KCNAB1: variants seen among roughly 807,000 people sequenced by gnomAD.
The protein encoded by KCNAB1 is voltage-gated potassium channel subunit beta-1.
A neutral mutation model predicts 64.6 loss-of-function variants in KCNAB1; 35 were observed. That is an observed-to-expected ratio of 0.54 (90% confidence interval 0.41 to 0.72). KCNAB1 has a LOEUF of 0.72. Among genes scored for constraint, KCNAB1 ranks in the 30% least tolerant of loss-of-function variants. The pLI is 0.00. For missense variants in KCNAB1, 401 were observed against 512.9 expected (o/e 0.78, Z 2.11); for synonymous variants, 177 against 183.8 (o/e 0.96, Z 0.30).
intron 1 of KCNAB1, among the ~76,000 whole-genome samples, chr3:156,174,188 G>T (rs1560120028): frequency 6.6e-6 from 1 of 152,170 alleles, no homozygotes; most frequent in Non-Finnish European, 1.5e-5. Flanking sequence ...TGGGGACAAA[G>T]ATATTGCTCA....
intron 1 of KCNAB1, among the ~76,000 whole-genome samples, chr3:156,167,867 T>G (rs1711700032): frequency 6.6e-6 from 1 of 152,176 alleles, no homozygotes; most frequent in South Asian, 2.1e-4. Flanking sequence ...ATCTATTAAA[T>G]GAGAGGGGTT....
intron 4 of KCNAB1, 76 bp downstream of exon 4, chr3:156,457,608 T>C: frequency 1.5e-6 from 2 of 1,309,602 alleles, no homozygotes; most frequent in Admixed American, 1.7e-5. Flanking sequence ...ATTTCCAGCA[T>C]GTTGGTGAAA....
chr3:156,517,029 A>C (rs1417453725), intron 11 of KCNAB1, among the ~76,000 whole-genome samples: 1 of 152,260 alleles, frequency 6.6e-6, no homozygotes, highest in Non-Finnish European at 1.5e-5. Flanking sequence ...CTTATTAATA[A>C]CAACATGCCT....
intron 1 of KCNAB1, among the ~76,000 whole-genome samples, chr3:156,195,496 T>C (rs1713853666): frequency 6.6e-6 from 1 of 152,238 alleles, no homozygotes; most frequent in Admixed American, 6.5e-5. Flanking sequence ...TGTGAGATGG[T>C]ATCTCATTGT....
chr3:156,120,860 C>A lies in KCNAB1; in HGVS notation c.249C>A (p.Thr83=). The A allele has an allele frequency of 2.5e-6, 4 of 1,614,120 alleles. No individual in the cohort carries two copies. Among genetic ancestry groups the A allele is most frequent in the Non-Finnish European group, 3.4e-6 (4 of 1,180,024 alleles). Residue 83 remains threonine (T), a synonymous_variant, in exon 1 of 14, where the codon ACC becomes ACA. Transcript: ENST00000490337. ...KLCDLSSEHT[T]VCTTGMPHRN... ...GCGACCTGTCCAGCGAGCACACCAC[C>A]GTCTGCACCACAGGCATGCCGCACA...
At chr3:156,131,992 A>C (rs1692384407) in intron 1 of KCNAB1, among the ~76,000 whole-genome samples, 1 of 152,208 alleles carries the variant, frequency 6.6e-6, no homozygotes, top group South Asian at 2.1e-4. Context: ...ATTCAGCCAC[A>C]TGACCACATT....
intron 1 of KCNAB1, among the ~76,000 whole-genome samples, chr3:156,266,266 G>T (rs1257349788): frequency 6.6e-6 from 1 of 152,062 alleles, no homozygotes; most frequent in Admixed American, 6.5e-5. Flanking sequence ...CATTACTATA[G>T]AACTATGTAA....
At chr3:156,318,459 G>A (rs1340914582) in intron 1 of KCNAB1, among the ~76,000 whole-genome samples, 1 of 152,056 alleles carries the variant, frequency 6.6e-6, no homozygotes, top group African/African-American at 2.4e-5. Context: ...AGCAACTGTT[G>A]CTTTGTTGGA....
intron 1 of KCNAB1, among the ~76,000 whole-genome samples, chr3:156,298,699 T>A (rs1720955619): frequency 6.6e-6 from 1 of 152,174 alleles, no homozygotes; most frequent in South Asian, 2.1e-4. Flanking sequence ...CTTTAAAAAC[T>A]TTTTTAGGAG....
intron 1 of KCNAB1, among the ~76,000 whole-genome samples, chr3:156,280,971 A>C (rs746804706): frequency 0.11 from 16,195 of 149,598 alleles, 1,032 homozygotes; most frequent in Non-Finnish European, 0.14. Flanking sequence ...TCTCCTGCCT[A>C]ATTGCCCTGG....
intron 8 of KCNAB1, among the ~76,000 whole-genome samples, chr3:156,502,532 C>CCA (rs60469602): frequency 0.053 from 7,542 of 142,742 alleles, 200 homozygotes; most frequent in African/African-American, 0.064. Flanking sequence ...TACCTTACAA[C>CCA]CACACACACA....
intron 1 of KCNAB1, among the ~76,000 whole-genome samples, chr3:156,136,696 G>A (rs759500280): frequency 6.6e-5 from 10 of 152,194 alleles, no homozygotes; most frequent in Non-Finnish European, 1.2e-4. Context: ...TAACTGCCAC[G>A]TTTTGAGGTA....
In KCNAB1 at chr3:156,156,168, C is replaced by T. The variant is rs570250716; in HGVS notation, c.275+35282C>T. On this transcript the variant is annotated intron_variant, in intron 1 of 13. Transcript: ENST00000490337. ...CCTTAGGCCCCCAGATAAACAAAGA[C>T]ATTTTTATTGGGTAGGGCATTCCAA... 2.6e-5 allele frequency among the ~76,000 whole-genome samples: 4 copies of T among 152,306 alleles called. No individual in the cohort carries two copies. The South Asian group carries it at 8.3e-4, about 32-fold the overall frequency.
intron 1 of KCNAB1, among the ~76,000 whole-genome samples, chr3:156,250,816 T>G (rs1352686566): frequency 6.6e-6 from 1 of 152,252 alleles, no homozygotes; most frequent in Non-Finnish European, 1.5e-5. Flanking sequence ...TCTCTCTCAA[T>G]GCCCAGGCTA....
At chr3:156,342,903 A>G (rs776862683) in intron 1 of KCNAB1, among the ~76,000 whole-genome samples, 1 of 152,180 alleles carries the variant, frequency 6.6e-6, no homozygotes. Flanking sequence ...GAGCACATAG[A>G]TGTGAGCTAT....
At chr3:156,201,308 A>G (rs1173319900) in intron 1 of KCNAB1, among the ~76,000 whole-genome samples, 1 of 152,210 alleles carries the variant, frequency 6.6e-6, no homozygotes, top group Non-Finnish European at 1.5e-5. Flanking sequence ...TAATAAATAT[A>G]ATTTTAGAAC....
chr3:156,484,727 C>T (rs948174229), intron 8 of KCNAB1, among the ~76,000 whole-genome samples: 7 of 152,006 alleles, frequency 4.6e-5, no homozygotes, highest in Non-Finnish European at 8.8e-5. Context: ...TCAGGGTAAT[C>T]GAAAATTCTC....
At chr3:156,439,526 A>T (rs1313381703) in intron 2 of KCNAB1, among the ~76,000 whole-genome samples, 1 of 152,204 alleles carries the variant, frequency 6.6e-6, no homozygotes, top group Non-Finnish European at 1.5e-5. Context: ...GGACCTTAAA[A>T]TCTCCATCTC....
rs190519300 is a variant in KCNAB1, at chr3:156,135,789, G to A, written c.275+14903G>A. ...AAGTTCCAGACCCCATAGAAATAAC[G>A]TGTCAAAGAAGATAGATAAGCCCCA... On this transcript the variant is annotated intron_variant, in intron 1 of 13. Transcript: ENST00000490337. Among the ~76,000 whole-genome samples the A allele has an allele frequency of 1.1e-3, 174 of 152,304 alleles. 1 individual carries two copies. Among genetic ancestry groups the A allele is most frequent in the African/African-American group, 4.0e-3 (166 of 41,562 alleles).
Sources: gnomAD v4.1 joint callset for allele counts (sites outside exome capture counted in the v4.1 genomes callset) on GRCh38, gnomAD v4.1.1 for gene constraint, MANE v1.5 for transcripts, NCBI Gene and HGNC (gene_info 2026-07-23, HGNC 2026-07-21) for gene names.